The following GARRE1 variants were observed in gnomAD, a reference collection of about 807,000 sequenced individuals.
The protein encoded by GARRE1 is granule associated Rac and RHOG effector 1.
A neutral mutation model predicts 103.2 loss-of-function variants in GARRE1; 49 were observed. The observed-to-expected ratio is 0.47, with a 90% confidence interval of 0.38 to 0.60. The LOEUF (loss-of-function observed/expected upper bound fraction) is 0.60, where lower values mean the gene tolerates loss of function less well. Among genes scored for constraint, GARRE1 ranks in the 20% least tolerant of loss-of-function variants. GARRE1 has a pLI of 0.00. For synonymous variants in GARRE1, 505 were observed against 532.8 expected (o/e 0.95, Z 0.72); for missense variants, 1,199 against 1,370.5 (o/e 0.87, Z 1.98).
chr19:34,342,469 C>T lies in GARRE1; in HGVS notation c.2521+14C>T, dbSNP rs768085842. On this transcript the variant is annotated intron_variant, in intron 10 of 13. Coordinates refer to ENST00000299505, the MANE Select transcript of GARRE1 (RefSeq NM_014686.5). ...TTGATCCTGCAGGTATGTGAGGCCT[C>T]CCATCCCTCGCCCAGTGTCAACAGC... 1.3e-6 allele frequency: 2 copies of T among 1,595,106 alleles called. No homozygotes were observed. Among genetic ancestry groups the T allele is most frequent in the Non-Finnish European group, 8.6e-7 (1 of 1,168,888 alleles).
At chr19:34,293,750 CTTTTTT>C (rs71165643) in intron 1 of GARRE1, among the ~76,000 whole-genome samples, 2 of 47,178 alleles carry the variant, frequency 4.2e-5, no homozygotes, top group African/African-American at 1.8e-4. Flanking sequence ...ACACATATTT[CTTTTTT>C]TTTTTTTTTT....
chr19:34,284,055 C>A (rs915794681), intron 1 of GARRE1, among the ~76,000 whole-genome samples: 1 of 149,976 alleles, frequency 6.7e-6, no homozygotes, highest in African/African-American at 2.5e-5. Context: ...TGGTCTGGAT[C>A]TCCTGACCTC....
chr19:34,346,670 G>A (rs1015499462), intron 10 of GARRE1, among the ~76,000 whole-genome samples: 6 of 152,198 alleles, frequency 3.9e-5, no homozygotes, highest in Admixed American at 3.3e-4. Flanking sequence ...AGGCCGGAGT[G>A]CAATAGCGCG....
Position 34,300,884 on chromosome 19 carries a change from T to C in GARRE1, c.411T>C (p.Pro137=). 2 of 1,611,588 alleles carry C rather than the reference T, an allele frequency of 1.2e-6. No individual in the cohort carries two copies. The highest frequency in any genetic ancestry group is 1.7e-6 in the Non-Finnish European group (2 of 1,179,586). ...GTCGGCTGACCTCGGCCATAAAGCC[T>C]GAGATCGCCAAGATGCTAATGGAAC... ...AASRLTSAIK[P]EIAKMLMELS... The change falls in exon 2 of 14, where the codon CCT becomes CCC. Residue 137 remains proline (P), a synonymous_variant. Coordinates refer to ENST00000299505, the MANE Select transcript of GARRE1 (RefSeq NM_014686.5).
intron 2 of GARRE1, among the ~76,000 whole-genome samples, chr19:34,302,246 C>A (rs1490747797): frequency 6.7e-6 from 1 of 149,116 alleles, no homozygotes; most frequent in South Asian, 2.1e-4. Flanking sequence ...CCCGCCTCAG[C>A]CTCCCAAAGT....
chr19:34,316,028 T>A (rs151075314), intron 2 of GARRE1, among the ~76,000 whole-genome samples: 2,229 of 152,340 alleles, frequency 0.015, 25 homozygotes, highest in South Asian at 0.026. Context: ...GGCTTCATTC[T>A]GGATCTTGTC....
chr19:34,317,296 G>C (rs1210141499), intron 2 of GARRE1, among the ~76,000 whole-genome samples: 1 of 152,222 alleles, frequency 6.6e-6, no homozygotes, highest in Non-Finnish European at 1.5e-5. Flanking sequence ...AGTGTTCCCA[G>C]CTCTTTGTGC....
intron 6 of GARRE1, among the ~76,000 whole-genome samples, chr19:34,329,704 C>T (rs2074128613): frequency 6.6e-6 from 1 of 152,026 alleles, no homozygotes; most frequent in African/African-American, 2.4e-5. Context: ...GGTATAGTGG[C>T]AGGCACCTAT....
At chr19:34,323,023 C>CTTTTTTTTTTTTTTTTTTTTTTT (rs71165649) in intron 3 of GARRE1, among the ~76,000 whole-genome samples, 1 of 66,666 alleles carries the variant, frequency 1.5e-5, no homozygotes. Flanking sequence ...TATTTCTTTT[C>CTTTTTTTTTTTTTTTTTTTTTTT]TTTTTTTTTT....
intron 1 of GARRE1, among the ~76,000 whole-genome samples, chr19:34,295,515 G>GTGTTTTGTTTTGTTTTGTTTTGTTT (rs71165644): frequency 0.011 from 1,633 of 148,572 alleles, 19 homozygotes; most frequent in South Asian, 0.018. Context: ...GTATCTCTTG[G>GTGTTTTGTTTTGTTTTGTTTTGTTT]TGTTTTGTTT....
At chr19:34,255,995 C>T (rs11880439) in intron 1 of GARRE1, among the ~76,000 whole-genome samples, 14 of 151,630 alleles carry the variant, frequency 9.2e-5, no homozygotes, top group East Asian at 2.0e-4. Context: ...GCACCCACCA[C>T]GCCCGGCTAA....
At chr19:34,269,236 GTCA>G (rs1387295473) in intron 1 of GARRE1, among the ~76,000 whole-genome samples, 1 of 152,216 alleles carries the variant, frequency 6.6e-6, no homozygotes, top group Non-Finnish European at 1.5e-5. Flanking sequence ...ACCAGAGGCG[GTCA>G]TGGATCACCA....
intron 1 of GARRE1, among the ~76,000 whole-genome samples, chr19:34,290,492 C>G (rs904190984): frequency 6.6e-6 from 1 of 152,044 alleles, no homozygotes. Flanking sequence ...ACCACAAAGC[C>G]TTTTTTTCTC....
At chr19:34,321,223 A>AC (rs2074087090) in intron 3 of GARRE1, among the ~76,000 whole-genome samples, 1 of 77,384 alleles carries the variant, frequency 1.3e-5, no homozygotes, top group Non-Finnish European at 2.7e-5. Context: ...AGCCCGGCTA[A>AC]TTTTTTTTTT....
rs1368419445 is a variant in GARRE1, at chr19:34,267,157, T to C, written c.-796+12543T>C. ...GGTGTGTGCCTGTAGTTCCAGCTAC[T>C]TGGGAGGCTGAGGTGGGAAGTTGCC... On this transcript the variant is annotated intron_variant, in intron 1 of 13. Coordinates refer to ENST00000299505, the MANE Select transcript of GARRE1 (RefSeq NM_014686.5). Among the ~76,000 whole-genome samples the C allele has an allele frequency of 3.3e-5, 5 of 152,224 alleles. No individual in the cohort carries two copies. The East Asian group carries it at 9.7e-4, about 30-fold the overall frequency.
chr19:34,349,323 C>T lies in GARRE1; in HGVS notation c.2825+170C>T, dbSNP rs8104344. Among the ~76,000 whole-genome samples the T allele has an allele frequency of 0.097, 14,739 of 152,102 alleles. 1,134 individuals carry two copies. Among genetic ancestry groups the T allele is most frequent in the African/African-American group, 0.2 (8,479 of 41,452 alleles). On this transcript the variant is annotated intron_variant, in intron 12 of 13. Transcript: ENST00000299505. ...GCCTCTGAAGAGCACCTGCAGGAGG[C>T]GGTTTCCACAAGGAAGAGCCGGCCT...
rs899706094 is a variant in GARRE1 at position 34,330,206 on chromosome 19, G to C, written c.1122G>C (p.Leu374=). 3.1e-6 allele frequency: 5 copies of C among 1,613,910 alleles called. No individual in the cohort carries two copies. Among genetic ancestry groups the C allele is most frequent in the East Asian group, 4.5e-5 (2 of 44,896 alleles). ...ATCTATAGCATACAATGTTACAGCT[G>C]ATGAAGGAGGCAGGCTGCTATAATG... The part of the protein sequence containing the change: ...LKLKTHTMLQ[L]MKEAGCYNGI... The change falls in exon 7 of 14, where the codon CTG becomes CTC. Residue 374 remains leucine (L), a synonymous_variant. Coordinates refer to ENST00000299505, the MANE Select transcript of GARRE1 (RefSeq NM_014686.5).
intron 2 of GARRE1, among the ~76,000 whole-genome samples, chr19:34,314,626 C>A (rs970292845): frequency 6.6e-6 from 1 of 152,198 alleles, no homozygotes; most frequent in Non-Finnish European, 1.5e-5. Flanking sequence ...GAATTATTAG[C>A]ATTTGGTGTT....
intron 6 of GARRE1, among the ~76,000 whole-genome samples, chr19:34,328,976 T>C (rs555650026): frequency 2.0e-5 from 3 of 152,328 alleles, no homozygotes; most frequent in African/African-American, 4.8e-5. Flanking sequence ...CTATAAGATA[T>C]TGTTTATGAT....
Sources: gnomAD v4.1 joint callset for allele counts (sites outside exome capture counted in the v4.1 genomes callset) on GRCh38, gnomAD v4.1.1 for gene constraint, MANE v1.5 for transcripts, NCBI Gene and HGNC (gene_info 2026-07-23, HGNC 2026-07-21) for gene names.